The following PHF21A variants were observed in gnomAD, a reference collection of about 807,000 sequenced individuals.
PHF21A encodes the protein BHC80a.
In PHF21A, 11 loss-of-function variants were observed where a neutral mutation model predicts 82.5. The observed-to-expected ratio is 0.13, with a 90% CI of 0.08 to 0.22. The LOEUF is 0.22. PHF21A is among the 10% of genes least tolerant of loss of function. The pLI is 1.00. For synonymous variants in PHF21A, 297 were observed against 302.8 expected, an observed-to-expected ratio of 0.98 and a Z score of 0.20; for missense variants, 579 against 837.8, an observed-to-expected ratio of 0.69 and a Z score of 3.81.
At chr11:46,100,587 T>C (rs191351763) in intron 1 of PHF21A, among the ~76,000 whole-genome samples, 61 of 152,352 alleles carry the variant, frequency 4.0e-4, no homozygotes, top group African/African-American at 1.4e-3. Flanking sequence ...GTAAGTATAC[T>C]CCTTGCACTA....
chr11:45,929,377 T>TC lies in PHF21A; in HGVS notation c.*4590dup. ...GTTAAAATAAATAAATACAAATTGA[T>TC]CAGCTGCTCTGTATCCCCCCCCACC... is the stretch of plus-strand genomic sequence containing the variant. On this transcript the variant is annotated 3_prime_UTR_variant, in exon 19 of 19. Coordinates refer to ENST00000676320, the MANE Select transcript of PHF21A (RefSeq NM_001352027.3). 1 of 156,658 alleles carries TC rather than the reference T, an allele frequency of 6.4e-6. No individual in the cohort carries two copies. The highest frequency in any genetic ancestry group is 1.4e-5 in the Non-Finnish European group (1 of 70,722). The allele number at this position is 156,658 out of a possible 1,614,324, so 9.7% of individuals were successfully genotyped here.
At chr11:46,079,668 C>CA (rs2096766476) in intron 4 of PHF21A, among the ~76,000 whole-genome samples, 1 of 152,120 alleles carries the variant, frequency 6.6e-6, no homozygotes, top group Non-Finnish European at 1.5e-5. Flanking sequence ...GAGTTCGGTG[C>CA]AGGGGAGGAT....
chr11:46,049,306 G>C, intron 6 of PHF21A: 2 of 375,536 alleles, frequency 5.3e-6, no homozygotes, highest in South Asian at 3.9e-5. Context: ...TTGTCCTTCT[G>C]AGTCTCCATA....
chr11:45,964,200 A>AATAATAATAAT lies in PHF21A; in HGVS notation c.996+1114_996+1115insATTATTATTAT, dbSNP rs2093293234. Among the ~76,000 whole-genome samples the AATAATAATAAT allele has an allele frequency of 4.4e-3, 586 of 134,608 alleles. 4 individuals carry two copies. Among genetic ancestry groups the AATAATAATAAT allele is most frequent in the African/African-American group, 0.015 (530 of 36,210 alleles). 88.3% of individuals were successfully genotyped at this position (134,608 alleles called of 152,430 possible). On this transcript the variant is annotated intron_variant, in intron 10 of 18. Coordinates refer to ENST00000676320, the MANE Select transcript of PHF21A (RefSeq NM_001352027.3). ...GCAACAAGAGTGAAACTCCATCTCA[A>AATAATAATAAT]AATAATAATAATAATAATAATAATA... is the stretch of plus-strand genomic sequence containing the variant.
In PHF21A at chr11:46,065,158, C is replaced by T. The variant is rs141049547; in HGVS notation, c.153+11596G>A. Among the ~76,000 whole-genome samples, 781 of 152,314 alleles carry T rather than the reference C, an allele frequency of 5.1e-3. 2 individuals carry two copies. Among genetic ancestry groups the T allele is most frequent in the Non-Finnish European group, 9.5e-3 (644 of 68,036 alleles). On this transcript the variant is annotated intron_variant, in intron 6 of 18. Transcript: ENST00000676320. ...AAAAGAGTTTTGTTTAGGTATCTAGCTTCCAAATGCTCAAGGAGAAAATCT... is the reference window on the plus strand; with the variant it reads ...AAAAGAGTTTTGTTTAGGTATCTAGTTTCCAAATGCTCAAGGAGAAAATCT...
At chr11:46,075,530 A>C (rs942653934) in intron 6 of PHF21A, among the ~76,000 whole-genome samples, 1 of 152,184 alleles carries the variant, frequency 6.6e-6, no homozygotes, top group Non-Finnish European at 1.5e-5. Context: ...AGCCAAATAC[A>C]TACTAACCGA....
intron 6 of PHF21A, among the ~76,000 whole-genome samples, chr11:46,061,689 G>A (rs2096536823): frequency 6.6e-6 from 1 of 152,028 alleles, no homozygotes; most frequent in Non-Finnish European, 1.5e-5. Flanking sequence ...CCATCCTCCT[G>A]TCCAACCTAA....
At chr11:45,983,741 T>G (rs1224708687) in intron 6 of PHF21A, among the ~76,000 whole-genome samples, 2 of 152,180 alleles carry the variant, frequency 1.3e-5, no homozygotes, top group African/African-American at 2.4e-5. Flanking sequence ...CTTGCAGCTC[T>G]GGCAAACACA....
intron 18 of PHF21A, chr11:45,934,761 C>T (rs1590876536): frequency 2.9e-6 from 1 of 340,984 alleles, no homozygotes; most frequent in South Asian, 2.3e-5. Context: ...AGGACAAAGG[C>T]CTGCAGCCAG....
intron 6 of PHF21A, among the ~76,000 whole-genome samples, chr11:46,021,392 C>T (rs1234546822): frequency 6.6e-6 from 1 of 151,976 alleles, no homozygotes; most frequent in Non-Finnish European, 1.5e-5. Context: ...AACCTCACCA[C>T]ATTTTAAACT....
At chr11:46,118,923 T>C (rs1852163454) in intron 1 of PHF21A, 5 of 152,142 alleles carry the variant, frequency 3.3e-5, no homozygotes, top group Non-Finnish European at 7.3e-5. Flanking sequence ...TAAACAAATA[T>C]CATAAACACT....
intron 6 of PHF21A, among the ~76,000 whole-genome samples, chr11:46,068,218 T>A (rs1039706805): frequency 1.3e-5 from 2 of 152,112 alleles, no homozygotes; most frequent in Non-Finnish European, 1.5e-5. Flanking sequence ...ATTCTCTGCA[T>A]CCTCCATGGG....
At chr11:46,119,603 C>T (rs1852423533) in intron 1 of PHF21A, 1 of 152,326 alleles carries the variant, frequency 6.6e-6, no homozygotes, top group Non-Finnish European at 1.5e-5. Flanking sequence ...CACCCGACAA[C>T]CGGCCTGTGG....
intron 7 of PHF21A, among the ~76,000 whole-genome samples, chr11:45,979,320 T>C (rs764730185): frequency 2.0e-5 from 3 of 152,072 alleles, no homozygotes; most frequent in Non-Finnish European, 2.9e-5. Flanking sequence ...AGCCCAGCCA[T>C]AGCACCCTTC....
Position 45,934,243 on chromosome 11 carries a change from G to A in PHF21A, c.1789-18C>T, listed in dbSNP as rs776435004. 6.2e-7 allele frequency: 1 copy of A among 1,606,762 alleles called. No individual in the cohort carries two copies. The stretch of plus-strand genomic sequence containing the variant: ...ATGCATTTCTGCAGCAAATGACAAG[G>A]GCAGTGGCACTGAGCCGCCTGGTTT... On this transcript the variant is annotated intron_variant, in intron 18 of 18. Transcript: ENST00000676320.
intron 6 of PHF21A, among the ~76,000 whole-genome samples, chr11:46,040,890 GACACACACAC>G (rs35673374): frequency 2.2e-3 from 304 of 137,318 alleles, no homozygotes; most frequent in African/African-American, 4.9e-3. Flanking sequence ...CTGACAGGAA[GACACACACAC>G]ACACACACAC....
intron 4 of PHF21A, 143 bp from the exon 5 acceptor site, chr11:46,079,309 G>A (rs2096762363): frequency 1.9e-6 from 1 of 535,222 alleles, no homozygotes; most frequent in Admixed American, 2.9e-5. Context: ...AAAACCTTCT[G>A]TGATCCATGT....
At chr11:45,983,503 A>G (rs914003842) in intron 6 of PHF21A, among the ~76,000 whole-genome samples, 1 of 152,086 alleles carries the variant, frequency 6.6e-6, no homozygotes, top group African/African-American at 2.4e-5. Flanking sequence ...TGAAAAAAAA[A>G]AATTTTTAAA....
intron 7 of PHF21A, among the ~76,000 whole-genome samples, chr11:45,978,029 C>T (rs970708892): frequency 1.3e-5 from 2 of 152,168 alleles, no homozygotes; most frequent in South Asian, 2.1e-4. Context: ...GGGCCGGTTG[C>T]GGTGGCTCAC....
Sources: gnomAD v4.1 joint callset for allele counts (sites outside exome capture counted in the v4.1 genomes callset) on GRCh38, gnomAD v4.1.1 for gene constraint, MANE v1.5 for transcripts, NCBI Gene and HGNC (gene_info 2026-07-23, HGNC 2026-07-21) for gene names.